USP12: variants seen among roughly 807,000 people sequenced by gnomAD.
USP12 encodes ubiquitin carboxyl-terminal hydrolase 12.
A neutral mutation model predicts 45.5 loss-of-function variants in USP12; 19 were observed. The ratio of observed to expected loss-of-function variants is 0.42; its 90% CI spans 0.29 to 0.61. The LOEUF (loss-of-function observed/expected upper bound fraction) is 0.61, where lower values mean the gene tolerates loss of function less well. USP12 is among the 20% of genes least tolerant of loss of function. USP12 has a pLI of 0.22. For synonymous variants in USP12, 149 were observed against 148.8 expected (o/e 1.00, Z -0.01); for missense variants, 242 against 447.7 (o/e 0.54, Z 4.15).
At chr13:27,137,529 A>G (rs1876860429) in intron 1 of USP12, among the ~76,000 whole-genome samples, 1 of 152,238 alleles carries the variant, frequency 6.6e-6, no homozygotes, top group African/African-American at 2.4e-5. Context: ...AAATGAAAGT[A>G]GACATGTTCT....
chr13:27,139,504 T>C (rs1424123163), intron 1 of USP12, among the ~76,000 whole-genome samples: 1 of 152,100 alleles, frequency 6.6e-6, no homozygotes, highest in East Asian at 1.9e-4. Flanking sequence ...TGGTCCCGGC[T>C]ACTCAGGAGG....
chr13:27,121,918 T>C (rs561658877), intron 1 of USP12, among the ~76,000 whole-genome samples: 4 of 152,138 alleles, frequency 2.6e-5, no homozygotes, highest in African/African-American at 2.4e-5. Flanking sequence ...AAATGTCTCA[T>C]ATGTGTCAAG....
chr13:27,133,136 A>G (rs1876588021), intron 1 of USP12, among the ~76,000 whole-genome samples: 1 of 152,144 alleles, frequency 6.6e-6, no homozygotes, highest in Non-Finnish European at 1.5e-5. Flanking sequence ...CTATCTTGCA[A>G]TCCTCTAGGA....
chr13:27,166,814 C>T (rs1344217824), intron 1 of USP12, among the ~76,000 whole-genome samples: 1 of 152,074 alleles, frequency 6.6e-6, no homozygotes, highest in Non-Finnish European at 1.5e-5. Context: ...TCACTTTACC[C>T]TCTAATAATC....
intron 1 of USP12, among the ~76,000 whole-genome samples, chr13:27,118,736 G>C (rs191552404): frequency 5.9e-5 from 9 of 152,244 alleles, no homozygotes; most frequent in Admixed American, 5.2e-4. Flanking sequence ...TACCCATCTA[G>C]AACAATAAAA....
chr13:27,072,691 A>G (rs1369271226), intron 7 of USP12, among the ~76,000 whole-genome samples: 1 of 152,146 alleles, frequency 6.6e-6, no homozygotes, highest in African/African-American at 2.4e-5. Flanking sequence ...GCAAGACAGG[A>G]GGTAGAAGGG....
At chr13:27,099,661 T>C (rs559296343) in intron 3 of USP12, among the ~76,000 whole-genome samples, 2 of 141,252 alleles carry the variant, frequency 1.4e-5, no homozygotes, top group South Asian at 4.9e-4. Flanking sequence ...CTGATATCTC[T>C]TGCATTACAT....
rs1873230571 is a variant in USP12 at position 27,071,152 on chromosome 13, AAAAC to A, written c.933-7_933-4del. 3 of 1,590,632 alleles carry A rather than the reference AAAAC, an allele frequency of 1.9e-6. No individual in the cohort carries two copies. The highest frequency in any genetic ancestry group is 1.7e-6 in the Non-Finnish European group (2 of 1,172,312). On this transcript the variant is annotated splice_region_variant and splice_polypyrimidine_tract_variant and intron_variant, in intron 7 of 8. Coordinates refer to ENST00000282344, the MANE Select transcript of USP12 (RefSeq NM_182488.4). ...TATAATGGCCTCGATTGGGACCACT[AAAAC>A]AAACGAAGAAGAAGTTAATTCAATA...
chr13:27,166,675 G>C (rs1208487460), intron 1 of USP12, among the ~76,000 whole-genome samples: 1 of 152,054 alleles, frequency 6.6e-6, no homozygotes. Flanking sequence ...AATTGAATAT[G>C]GTATTTAAAA....
intron 2 of USP12, 125 bp downstream of exon 2, chr13:27,116,391 G>T (rs1875743614): frequency 4.5e-6 from 3 of 662,834 alleles, no homozygotes; most frequent in Non-Finnish European, 4.4e-6. Flanking sequence ...TCCCAATCAA[G>T]TCTCTTAGCA....
At position 27,106,044 on chromosome 13, in the gene USP12, G is replaced by GTTACTAC. The variant is rs1875120587; in HGVS notation, c.130-107_130-101dup. On this transcript the variant is annotated intron_variant, in intron 2 of 8. Coordinates refer to ENST00000282344, the MANE Select transcript of USP12 (RefSeq NM_182488.4). ...TGAGAACAGAAAGAGATGACAATCG[G>GTTACTAC]TTACTACTGTTACTATAACACTGAC... 2.4e-5 allele frequency: 21 copies of GTTACTAC among 883,836 alleles called. No homozygotes were observed. The East Asian group carries it at 5.3e-4, about 22-fold the overall frequency. 54.7% of individuals were successfully genotyped at this position (883,836 alleles called of 1,614,324 possible).
At position 27,136,817 on chromosome 13, in the gene USP12, T is replaced by G. The variant is rs9553971; in HGVS notation, c.49-20221A>C. On this transcript the variant is annotated intron_variant, in intron 1 of 8. Transcript: ENST00000282344. ...ATATTAAAAAGGTAAAAATACAATA[T>G]TTAAGTAATAAAATGATATTTGGGA... 7.9e-5 allele frequency among the ~76,000 whole-genome samples: 12 copies of G among 152,252 alleles called. No individual in the cohort carries two copies. In the East Asian group the frequency reaches 2.3e-3, roughly 29 times the overall value.
At chr13:27,124,534 T>C (rs1876139237) in intron 1 of USP12, among the ~76,000 whole-genome samples, 1 of 152,238 alleles carries the variant, frequency 6.6e-6, no homozygotes, top group Non-Finnish European at 1.5e-5. Context: ...TCCAGTTTCA[T>C]GTTTCAAGTC....
intron 3 of USP12, among the ~76,000 whole-genome samples, chr13:27,098,864 T>C (rs190855500): frequency 6.6e-6 from 1 of 152,314 alleles, no homozygotes; most frequent in Non-Finnish European, 1.5e-5. Flanking sequence ...AACAGTTCCA[T>C]TGAATTAACA....
intron 1 of USP12, among the ~76,000 whole-genome samples, chr13:27,155,040 C>CT (rs1383261081): frequency 0.021 from 2,236 of 104,960 alleles, 67 homozygotes; most frequent in African/African-American, 0.078. Flanking sequence ...ACCTCCACAA[C>CT]TTTTTTTTTT....
At chr13:27,167,888 C>G (rs1206635004) in intron 1 of USP12, among the ~76,000 whole-genome samples, 1 of 152,066 alleles carries the variant, frequency 6.6e-6, no homozygotes, top group Non-Finnish European at 1.5e-5. Flanking sequence ...CCACACATAC[C>G]CTTACCTGGA....
intron 7 of USP12, 73 bp from the exon 8 acceptor site, chr13:27,071,222 T>A (rs1183421860): frequency 7.4e-7 from 1 of 1,357,708 alleles, no homozygotes; most frequent in Non-Finnish European, 1.0e-6. Context: ...AATTTTGTTT[T>A]ATAAAGAAAC....
rs1878135670 is a variant in USP12, at chr13:27,162,095, C to G, written c.48+9497G>C. 1.3e-5 allele frequency among the ~76,000 whole-genome samples: 2 copies of G among 152,190 alleles called. 1 individual carries two copies. The highest frequency in any genetic ancestry group is 2.9e-5 in the Non-Finnish European group (2 of 68,036). The stretch of plus-strand genomic sequence containing the variant: ...ACAGTATCTTAATGTGCTTTCCATC[C>G]TTTCCTTAAGAGGGCATGGAGTCTT... On this transcript the variant is annotated intron_variant, in intron 1 of 8. Transcript: ENST00000282344.
At chr13:27,095,957 T>C (rs1874561316) in intron 3 of USP12, 127 bp from the exon 4 acceptor site, 1 of 633,076 alleles carries the variant, frequency 1.6e-6, no homozygotes, top group East Asian at 3.1e-5. Flanking sequence ...TTTTGTAATG[T>C]ATAACAAATA....
Sources: gnomAD v4.1 joint callset for allele counts (sites outside exome capture counted in the v4.1 genomes callset) on GRCh38, gnomAD v4.1.1 for gene constraint, MANE v1.5 for transcripts, NCBI Gene and HGNC (gene_info 2026-07-23, HGNC 2026-07-21) for gene names.